Variants in SYT9 observed in about 807,000 individuals in gnomAD.
SYT9 encodes synaptotagmin 9.
SYT9 carries 22 observed loss-of-function variants against 48.4 expected under a neutral mutation model. The ratio of observed to expected loss-of-function variants is 0.45; its 90% confidence interval spans 0.32 to 0.65. The LOEUF (loss-of-function observed/expected upper bound fraction) is 0.65. Ranked by LOEUF, SYT9 falls within the 30% of genes least tolerant of loss-of-function variation. The pLI is 0.03. For missense variants in SYT9, 577 were observed against 622.0 expected (o/e 0.93, Z 0.77); for synonymous variants, 265 against 245.0 (o/e 1.08, Z -0.76).
chr11:7,380,243 C>T (rs1341605200), intron 3 of SYT9, among the ~76,000 whole-genome samples: 1 of 151,542 alleles, frequency 6.6e-6, no homozygotes, highest in Non-Finnish European at 1.5e-5. Context: ...AATCAAAATA[C>T]TTGAACTCAT....
intron 3 of SYT9, among the ~76,000 whole-genome samples, chr11:7,382,611 A>C (rs1418256054): frequency 6.6e-6 from 1 of 152,234 alleles, no homozygotes; most frequent in African/African-American, 2.4e-5. Flanking sequence ...TGTTGGAGTC[A>C]TTCACATATA....
At position 7,419,511 on chromosome 11, in the gene SYT9, T is replaced by G. The variant is rs536479768; in HGVS notation, c.1338-995T>G. Among the ~76,000 whole-genome samples the G allele has an allele frequency of 3.3e-5, 5 of 151,880 alleles. No individual in the cohort carries two copies. The South Asian group carries it at 1.0e-3, about 32-fold the overall frequency. On this transcript the variant is annotated intron_variant, in intron 5 of 6. Coordinates refer to ENST00000318881, the MANE Select transcript of SYT9 (RefSeq NM_175733.4). ...TCCCATAGAATTAAAGAATTGGCCA[T>G]ATCAGTCCAGTTATACCAGGGACTT...
At chr11:7,436,913 A>AT (rs1308589269) in intron 6 of SYT9, among the ~76,000 whole-genome samples, 11 of 152,224 alleles carry the variant, frequency 7.2e-5, no homozygotes, top group African/African-American at 2.4e-4. Context: ...CTGAGGATTC[A>AT]TTTCCTCTTC....
intron 2 of SYT9, among the ~76,000 whole-genome samples, chr11:7,308,460 G>A (rs1849072330): frequency 6.6e-6 from 1 of 152,310 alleles, no homozygotes; most frequent in South Asian, 2.1e-4. Flanking sequence ...TGGACTCAGA[G>A]ATGCAGTGGG....
In SYT9 at chr11:7,410,214, T is replaced by A. The variant is rs77479179; in HGVS notation, c.1045-5828T>A. The stretch of plus-strand genomic sequence containing the variant: ...CATTGTGACCTGAAGATACTTGATA[T>A]GATTTTGATTTTTAAAACTGTTGAG... On this transcript the variant is annotated intron_variant, in intron 3 of 6. Transcript: ENST00000318881. 4.3e-4 allele frequency among the ~76,000 whole-genome samples: 66 copies of A among 152,354 alleles called. 1 individual carries two copies. In the East Asian group the frequency reaches 0.011, roughly 24 times the overall value.
intron 6 of SYT9, among the ~76,000 whole-genome samples, chr11:7,454,804 G>A (rs990829457): frequency 6.6e-6 from 1 of 152,184 alleles, no homozygotes; most frequent in Admixed American, 6.5e-5. Flanking sequence ...CCAGGATGAG[G>A]AGATGTGTGA....
chr11:7,330,985 G>T (rs1404265552), intron 3 of SYT9, among the ~76,000 whole-genome samples: 3 of 151,944 alleles, frequency 2.0e-5, no homozygotes, highest in African/African-American at 7.2e-5. Context: ...TTTTAGTAGA[G>T]ATGGGGTTTC....
intron 1 of SYT9, among the ~76,000 whole-genome samples, chr11:7,256,440 T>G (rs1042013329): frequency 4.6e-5 from 7 of 152,144 alleles, no homozygotes; most frequent in Admixed American, 3.9e-4. Context: ...TAAAAGTGAT[T>G]GATATATATG....
chr11:7,246,015 G>A (rs1248235855), intron 1 of SYT9, among the ~76,000 whole-genome samples: 1 of 152,124 alleles, frequency 6.6e-6, no homozygotes, highest in African/African-American at 2.4e-5. Context: ...ACATTCTGAA[G>A]TCGCTCCTAT....
chr11:7,402,332 CAGTT>C (rs1299929220), intron 3 of SYT9, among the ~76,000 whole-genome samples: 2 of 151,982 alleles, frequency 1.3e-5, no homozygotes, highest in African/African-American at 2.4e-5. Context: ...GAGTGAATAT[CAGTT>C]AGGTCATGTT....
intron 1 of SYT9, among the ~76,000 whole-genome samples, chr11:7,281,271 G>T (rs1848487903): frequency 6.6e-6 from 1 of 152,186 alleles, no homozygotes; most frequent in African/African-American, 2.4e-5. Flanking sequence ...CTAAACAGAT[G>T]AGATCAGATC....
At chr11:7,240,478 A>G (rs1336562038) in intron 1 of SYT9, among the ~76,000 whole-genome samples, 2 of 152,242 alleles carry the variant, frequency 1.3e-5, no homozygotes, top group African/African-American at 4.8e-5. Context: ...TATATGCAAG[A>G]CATTTTCCTC....
At chr11:7,448,477 C>A (rs1352985556) in intron 6 of SYT9, among the ~76,000 whole-genome samples, 3 of 152,256 alleles carry the variant, frequency 2.0e-5, no homozygotes, top group East Asian at 1.9e-4. Flanking sequence ...GGTAGCAGCA[C>A]ACACCTCCTG....
At chr11:7,272,260 CTAT>C (rs1848311440) in intron 1 of SYT9, among the ~76,000 whole-genome samples, 1 of 152,118 alleles carries the variant, frequency 6.6e-6, no homozygotes, top group African/African-American at 2.4e-5. Context: ...AGTGTTAGTT[CTAT>C]TATTAATCCC....
chr11:7,308,442 A>G (rs1472370411), intron 2 of SYT9, among the ~76,000 whole-genome samples: 1 of 152,178 alleles, frequency 6.6e-6, no homozygotes, highest in Non-Finnish European at 1.5e-5. Flanking sequence ...GCTGGCTTGT[A>G]CAGAGCCTGG....
chr11:7,242,569 A>T (rs994687048), intron 1 of SYT9, among the ~76,000 whole-genome samples: 4 of 152,350 alleles, frequency 2.6e-5, no homozygotes, highest in African/African-American at 9.6e-5. Flanking sequence ...AGTAAAAATA[A>T]TTTTAATATA....
At chr11:7,362,493 CA>C (rs1850160029) in intron 3 of SYT9, among the ~76,000 whole-genome samples, 1 of 151,992 alleles carries the variant, frequency 6.6e-6, no homozygotes, top group South Asian at 2.1e-4. Context: ...ATCCTTGATG[CA>C]AAAGAGTCTA....
intron 2 of SYT9, among the ~76,000 whole-genome samples, chr11:7,312,535 G>A (rs1248255528): frequency 6.6e-6 from 1 of 152,206 alleles, no homozygotes; most frequent in Admixed American, 6.5e-5. Flanking sequence ...GACACACACA[G>A]ATCAGACAGG....
At chr11:7,347,762 A>G in intron 3 of SYT9, among the ~76,000 whole-genome samples, 1 of 152,178 alleles carries the variant, frequency 6.6e-6, no homozygotes, top group East Asian at 1.9e-4. Context: ...TGTCTGCCAG[A>G]TTGAGACAGG....
Sources: allele counts gnomAD v4.1 joint callset (sites outside exome capture counted in the v4.1 genomes callset), GRCh38; gene constraint gnomAD v4.1.1; transcripts MANE v1.5; gene names NCBI Gene and HGNC (gene_info 2026-07-23, HGNC 2026-07-21).